The following ANO3 variants were observed in gnomAD, a reference collection of about 807,000 sequenced individuals.
ANO3 encodes anoctamin-3.
In ANO3, 99 loss-of-function variants were observed where a neutral mutation model predicts 144.8. That is an observed-to-expected ratio of 0.68 (90% confidence interval 0.58 to 0.81). The LOEUF (loss-of-function observed/expected upper bound fraction) is 0.81. Among genes scored for constraint, ANO3 ranks in the 30% least tolerant of loss-of-function variants. The pLI is 0.00. For synonymous variants in ANO3, 414 were observed against 392.6 expected, an observed-to-expected ratio of 1.05 and a Z score of -0.64; for missense variants, 905 against 1,202.2, an observed-to-expected ratio of 0.75 and a Z score of 3.66.
rs1236709616 is a variant in ANO3 at position 26,641,923 on chromosome 11, T to C, written c.2169T>C (p.His723=). Residue 723 remains histidine, a synonymous_variant, in exon 22 of 27, where the codon CAT becomes CAC. Transcript: ENST00000256737. ...YPLIQNWWSR[H]KIKRGIHDAS... ...TGATCCAGAACTGGTGGTCACGACA[T>C]AAAATCAAGCGGGGAATACATGATG... The C allele has an allele frequency of 1.9e-6, 3 of 1,613,946 alleles. No homozygotes were observed. The highest frequency in any genetic ancestry group is 2.5e-6 in the Non-Finnish European group (3 of 1,179,950).
chr11:26,442,555 T>G (rs1858557547), intron 2 of ANO3, among the ~76,000 whole-genome samples: 1 of 152,206 alleles, frequency 6.6e-6, no homozygotes, highest in African/African-American at 2.4e-5. Context: ...GTTGGACAAG[T>G]GTTGGCAACC....
At position 26,660,429 on chromosome 11, in the gene ANO3, C is replaced by A. The variant is rs1412173378; in HGVS notation, c.2931C>A (p.His977Gln). ...QQRRKSGQPV[H>Q]HEWP is the part of the protein sequence containing the mutation. ...GGAGAAAAAGTGGTCAGCCTGTTCA[C>A]CATGAATGGCCTTAGTTGACACCTG... Residue 977 changes from histidine (H) to glutamine (Q), a missense_variant, in exon 27 of 27, where the codon CAC (histidine) becomes CAA (glutamine). By Grantham distance (24) the His-to-Gln change is conservative. Transcript: ENST00000256737. The A allele has an allele frequency of 1.9e-6, 3 of 1,612,116 alleles. No individual in the cohort carries two copies. The highest frequency in any genetic ancestry group is 1.7e-6 in the Non-Finnish European group (2 of 1,179,142).
rs758197598 is a variant in ANO3 at position 26,576,157 on chromosome 11, G to A, written c.1447+16378G>A. ...GAGTAGAACAAGCTCAGGCTACCACGTCACAGTTTCTTTGTTTTGAATCCT... is the reference window on the plus strand; with the variant it reads ...GAGTAGAACAAGCTCAGGCTACCACATCACAGTTTCTTTGTTTTGAATCCT... On this transcript the variant is annotated intron_variant, in intron 14 of 26. Coordinates refer to ENST00000256737, the MANE Select transcript of ANO3 (RefSeq NM_031418.4). 7.9e-5 allele frequency among the ~76,000 whole-genome samples: 12 copies of A among 152,106 alleles called. No individual in the cohort carries two copies. In the South Asian group the frequency reaches 1.2e-3, roughly 16 times the overall value.
At chr11:26,502,052 C>T (rs866658193) in intron 4 of ANO3, among the ~76,000 whole-genome samples, 21 of 152,276 alleles carry the variant, frequency 1.4e-4, no homozygotes, top group Non-Finnish European at 2.5e-4. Flanking sequence ...ACGTAAAGGA[C>T]TTCTACTTTC....
rs575055116 is a variant in ANO3 at position 26,635,079 on chromosome 11, C to A, written c.2043+9C>A. On this transcript the variant is annotated intron_variant, in intron 20 of 26. Coordinates refer to ENST00000256737, the MANE Select transcript of ANO3 (RefSeq NM_031418.4). The stretch of plus-strand genomic sequence containing the variant: ...GGTGGAGACTGGAGGAAGTAAGTAA[C>A]TTTGGGAGTGTGGGTGCAGGAATGG... 30 of 1,612,726 alleles carry A rather than the reference C, an allele frequency of 1.9e-5. No homozygotes were observed. The highest frequency in any genetic ancestry group is 8.3e-5 in the Admixed American group (5 of 60,000).
intron 11 of ANO3, among the ~76,000 whole-genome samples, chr11:26,545,847 C>T (rs1849773349): frequency 6.6e-6 from 1 of 151,850 alleles, no homozygotes; most frequent in Non-Finnish European, 1.5e-5. Flanking sequence ...ATTGTGAGTA[C>T]CAGTGCTCTA....
chr11:26,442,001 T>A lies in ANO3; in HGVS notation c.130T>A (p.Tyr44Asn), dbSNP rs1248381702. ...RRSLPCLAQS[Y>N]AYSKSLSQST... ...ATCCCTGCCTTGCCTCGCCCAGAGC[T>A]ACGCTTACTCAAAGAGCTTGAGCCA... The change falls in exon 2 of 27, where the codon TAC becomes AAC. Residue 44 changes from tyrosine to asparagine, a missense_variant. This residue lies in a region of ANO3 where 174 missense variants were observed against 171.9 expected (regional missense o/e 1.01). Transcript: ENST00000256737. The A allele has an allele frequency of 2.5e-6, 4 of 1,614,072 alleles. No individual in the cohort carries two copies.
At chr11:26,626,698 G>A (rs573654623) in intron 18 of ANO3, among the ~76,000 whole-genome samples, 4 of 152,160 alleles carry the variant, frequency 2.6e-5, no homozygotes, top group African/African-American at 9.6e-5. Context: ...GGAGATTTTT[G>A]TATATTCTTT....
intron 12 of ANO3, 28 bp downstream of exon 12, chr11:26,547,578 T>C (rs758914582): frequency 1.9e-6 from 3 of 1,605,538 alleles, no homozygotes; most frequent in African/African-American, 2.7e-5. Flanking sequence ...CTATTAAAAA[T>C]ATTTGGCTTG....
intron 1 of ANO3, among the ~76,000 whole-genome samples, chr11:26,356,219 G>C (rs1018412936): frequency 6.6e-6 from 1 of 151,420 alleles, no homozygotes; most frequent in Non-Finnish European, 1.5e-5. Flanking sequence ...CAACCTCCTA[G>C]ATACATATGT....
At chr11:26,462,377 A>C (rs971346832) in intron 3 of ANO3, among the ~76,000 whole-genome samples, 3 of 151,806 alleles carry the variant, frequency 2.0e-5, no homozygotes, top group East Asian at 1.9e-4. Context: ...GAGATTTCCT[A>C]TTTTATATTA....
intron 1 of ANO3, among the ~76,000 whole-genome samples, chr11:26,412,500 A>G (rs1429544373): frequency 1.3e-5 from 2 of 152,002 alleles, no homozygotes; most frequent in Admixed American, 1.3e-4. Context: ...TAATGTAACA[A>G]TATTAGGATT....
At chr11:26,624,093 T>C (rs1565149705) in intron 17 of ANO3, among the ~76,000 whole-genome samples, 2 of 152,052 alleles carry the variant, frequency 1.3e-5, no homozygotes, top group African/African-American at 4.8e-5. Flanking sequence ...GCCAAAAAAC[T>C]GTAATTTTGA....
At chr11:26,484,559 G>C (rs994919422) in intron 4 of ANO3, among the ~76,000 whole-genome samples, 1 of 152,188 alleles carries the variant, frequency 6.6e-6, no homozygotes, top group Admixed American at 6.5e-5. Context: ...GTCTGCTGCA[G>C]GGGTGGAGCT....
chr11:26,574,375 T>A (rs982917437), intron 14 of ANO3, among the ~76,000 whole-genome samples: 1 of 152,156 alleles, frequency 6.6e-6, no homozygotes. Context: ...CAAAAGAGTA[T>A]CTTTTTGTAC....
At chr11:26,606,522 T>G (rs1298616656) in intron 17 of ANO3, among the ~76,000 whole-genome samples, 2 of 152,046 alleles carry the variant, frequency 1.3e-5, no homozygotes, top group African/African-American at 4.8e-5. Flanking sequence ...ATATTGACAG[T>G]GGGGTGTTAA....
chr11:26,452,650 C>T (rs552469935), intron 3 of ANO3, among the ~76,000 whole-genome samples: 1 of 152,302 alleles, frequency 6.6e-6, no homozygotes, highest in East Asian at 1.9e-4. Context: ...AGTTGGAAAA[C>T]ACTCTGCAGG....
intron 14 of ANO3, among the ~76,000 whole-genome samples, chr11:26,597,158 G>T (rs562000639): frequency 6.6e-6 from 1 of 152,142 alleles, no homozygotes; most frequent in Non-Finnish European, 1.5e-5. Context: ...AAATGTTACC[G>T]GCGGGTCTTT....
chr11:26,559,863 C>G, intron 14 of ANO3, 84 bp downstream of exon 14: 20 of 911,478 alleles, frequency 2.2e-5, no homozygotes, highest in Non-Finnish European at 2.9e-5. Flanking sequence ...CACACACACA[C>G]ACACACACAC....
Sources: gnomAD v4.1 joint callset for allele counts (sites outside exome capture counted in the v4.1 genomes callset) on GRCh38, gnomAD v4.1.1 for gene constraint, gnomAD v4.1.1 regional missense constraint, MANE v1.5 for transcripts, NCBI Gene and HGNC (gene_info 2026-07-23, HGNC 2026-07-21) for gene names.